SLITRK4: variants seen among roughly 807,000 people sequenced by gnomAD.
SLITRK4 encodes SLIT and NTRK-like protein 4.
A neutral mutation model predicts 34.7 loss-of-function variants in SLITRK4; 7 were observed. The observed-to-expected ratio is 0.20, with a 90% confidence interval of 0.11 to 0.38. The LOEUF (loss-of-function observed/expected upper bound fraction) is 0.38. Among genes scored for constraint, SLITRK4 ranks in the 10% least tolerant of loss-of-function variants. The pLI, the probability that SLITRK4 is intolerant of heterozygous loss-of-function variation, is 1.00. For missense variants in SLITRK4, 474 were observed against 607.0 expected (o/e 0.78, Z 2.30); for synonymous variants, 237 against 246.2 (o/e 0.96, Z 0.35).
Position 143,627,097 on chromosome X carries a change from T to C in SLITRK4, c.*1498A>G, listed in dbSNP as rs1304776019. 9.2e-6 allele frequency: 1 copy of C among 109,085 alleles called. No individual in the cohort carries two copies. The highest frequency in any genetic ancestry group is 1.9e-5 in the Non-Finnish European group (1 of 52,518). 9.0% of individuals were successfully genotyped at this position (109,085 alleles called of 1,213,427 possible). A position where few individuals can be genotyped will look rare whatever the true frequency, so the allele number is the denominator to read the frequency against. ...AAACACAGGGGCATATCATTTGTAG[T>C]TGCAGACTGTGAACTCATCTGAAAC... On this transcript the variant is annotated 3_prime_UTR_variant, in exon 2 of 2. Coordinates refer to ENST00000356928, the MANE Select transcript of SLITRK4 (RefSeq NM_001184749.3).
rs142699085 is a variant in SLITRK4, at chrX:143,630,163, C to T, written c.946G>A (p.Val316Ile). Residue 316 changes from valine (V) to isoleucine (I), a missense_variant, in exon 2 of 2, where the codon GTT (valine) becomes ATT (isoleucine). Physicochemically the swap from Val to Ile is conservative, Grantham distance 29 (BLOSUM62 3). Coordinates refer to ENST00000356928, the MANE Select transcript of SLITRK4 (RefSeq NM_001184749.3). ...CGGTTGGAGAGGGCTTTGCCTGCAA[C>T]GATTCCAGAGATCTTGGAAGGATTT... ...TTNPSKISGI[V>I]AGKALSNRNL... 25 of 1,209,742 alleles carry T rather than the reference C, an allele frequency of 2.1e-5. No homozygotes were observed. The highest frequency in any genetic ancestry group is 3.5e-5 in the South Asian group (2 of 56,773).
chrX:143,634,882 T>C (rs1931180085), intron 1 of SLITRK4: 2 of 109,270 alleles, frequency 1.8e-5, no homozygotes, highest in African/African-American at 6.7e-5. Flanking sequence ...CACCCACCTC[T>C]AGAGCCCAGC....
chrX:143,629,751 T>C lies in SLITRK4; in HGVS notation c.1358A>G (p.Tyr453Cys), dbSNP rs782650128. The change falls in exon 2 of 2, where the codon TAT (tyrosine) becomes TGT (cysteine). Residue 453 changes from tyrosine (Y) to cysteine (C), a missense_variant. Transcript: ENST00000356928. ...AATCAAATTGTATTCCAAATACAGA[T>C]ACTGCAGGTTATGAAGACCTGAAAA... ...EIFSGLHNLQ[Y>C]LYLEYNLIKE... The C allele has an allele frequency of 2.5e-6, 3 of 1,210,976 alleles. No homozygotes were observed. The highest frequency in any genetic ancestry group is 5.9e-5 in the East Asian group (2 of 33,841).
chrX:143,635,113 T>C (rs1245156478), intron 1 of SLITRK4: 1 of 101,537 alleles, frequency 9.8e-6, no homozygotes, highest in African/African-American at 3.6e-5. Context: ...GGGCTGCACC[T>C]TTACATACAC....
chrX:143,627,518 C>G lies in SLITRK4; in HGVS notation c.*1077G>C, dbSNP rs180942765. 5 of 110,632 alleles carry G rather than the reference C, an allele frequency of 4.5e-5. No homozygotes were observed. Among genetic ancestry groups the G allele is most frequent in the Non-Finnish European group, 9.5e-5 (5 of 52,779 alleles). 9.1% of individuals were successfully genotyped at this position (110,632 alleles called of 1,213,427 possible). A position where few individuals can be genotyped will look rare whatever the true frequency, so the allele number is the denominator to read the frequency against. Reference sequence around the variant, plus strand: ...AAATTTTTTTTGTTTTTAAGTTACACCTGATCACAAAGTCCAGAATATTTC... The same window carrying G: ...AAATTTTTTTTGTTTTTAAGTTACAGCTGATCACAAAGTCCAGAATATTTC... On this transcript the variant is annotated 3_prime_UTR_variant, in exon 2 of 2. Transcript: ENST00000356928.
chrX:143,635,625 C>G (rs1556431314), intron 1 of SLITRK4, 110 bp downstream of exon 1: 1 of 109,360 alleles, frequency 9.1e-6, no homozygotes, highest in East Asian at 2.9e-4. Context: ...TCGATAGGGT[C>G]GTCGAGTCTA....
At position 143,626,450 on chromosome X, in the gene SLITRK4, G is replaced by C. The variant is rs782250572; in HGVS notation, c.*2145C>G. Reference sequence around the variant, plus strand: ...AGCACCAGCACATACACATGGAGACGGTTTTTGCTATTTAAAAAAGATTTC... The same window carrying C: ...AGCACCAGCACATACACATGGAGACCGTTTTTGCTATTTAAAAAAGATTTC... On this transcript the variant is annotated 3_prime_UTR_variant, in exon 2 of 2. Coordinates refer to ENST00000356928, the MANE Select transcript of SLITRK4 (RefSeq NM_001184749.3). 3 of 109,741 alleles carry C rather than the reference G, an allele frequency of 2.7e-5. No individual in the cohort carries two copies. Among genetic ancestry groups the C allele is most frequent in the Non-Finnish European group, 5.7e-5 (3 of 52,434 alleles). 9.0% of individuals were successfully genotyped at this position (109,741 alleles called of 1,213,427 possible).
In SLITRK4 at chrX:143,628,131, T is replaced by TTTTTTTTTTTTTTTTTG; in HGVS notation, c.*463_*464insCAAAAAAAAAAAAAAAA. On this transcript the variant is annotated 3_prime_UTR_variant, in exon 2 of 2. Coordinates refer to ENST00000356928, the MANE Select transcript of SLITRK4 (RefSeq NM_001184749.3). ...TTTTTTTTTTTTTTTTTTTTTTACT[T>TTTTTTTTTTTTTTTTTG]TTCAGATAATCTTTACACGGAGTTG... is the stretch of plus-strand genomic sequence containing the variant. 5.0e-6 allele frequency: 1 copy of TTTTTTTTTTTTTTTTTG among 198,718 alleles called. No individual in the cohort carries two copies. Among genetic ancestry groups the TTTTTTTTTTTTTTTTTG allele is most frequent in the Non-Finnish European group, 8.6e-6 (1 of 115,869 alleles). The allele number at this position is 198,718 out of a possible 1,213,427, so 16.4% of individuals were successfully genotyped here.
rs1425796066 is a variant in SLITRK4 at position 143,627,286 on chromosome X, C to T, written c.*1309G>A. 5.5e-5 allele frequency: 6 copies of T among 108,970 alleles called. No homozygotes were observed. In the East Asian group the frequency reaches 1.4e-3, roughly 26 times the overall value. 9.0% of individuals were successfully genotyped at this position (108,970 alleles called of 1,213,427 possible). ...TTCATTATTTTTTAAATACTTGTAG[C>T]GAAAACTATTTGAATTAAGCTCATA... On this transcript the variant is annotated 3_prime_UTR_variant, in exon 2 of 2. Transcript: ENST00000356928.
At chrX:143,634,105 G>T (rs992581109) in intron 1 of SLITRK4, among the ~76,000 whole-genome samples, 1 of 112,617 alleles carries the variant, frequency 8.9e-6, no homozygotes, top group Non-Finnish European at 1.9e-5. Context: ...CCTCGAAGAC[G>T]TTGGCACTAG....
intron 1 of SLITRK4, chrX:143,634,544 G>T (rs925441775): frequency 1.0e-5 from 1 of 96,987 alleles, no homozygotes; most frequent in Admixed American, 1.1e-4. Flanking sequence ...TATGGTGGGG[G>T]GGGGGGCGGG....
intron 1 of SLITRK4, among the ~76,000 whole-genome samples, chrX:143,631,451 C>T (rs1931037472): frequency 9.1e-6 from 1 of 109,492 alleles, no homozygotes; most frequent in Non-Finnish European, 1.9e-5. Flanking sequence ...ATATTTTTTC[C>T]ACGTGGACCG....
Position 143,626,118 on chromosome X carries a change from A to C in SLITRK4, c.*2477T>G, listed in dbSNP as rs1358148830. On this transcript the variant is annotated 3_prime_UTR_variant, in exon 2 of 2. Coordinates refer to ENST00000356928, the MANE Select transcript of SLITRK4 (RefSeq NM_001184749.3). ...TGAATGGAACTTTCTGATTCCTCCT[A>C]TAAGTGTCTATTTAAGATCCTTCAA... 2 of 111,305 alleles carry C rather than the reference A, an allele frequency of 1.8e-5. No individual in the cohort carries two copies. Among genetic ancestry groups the C allele is most frequent in the South Asian group, 7.5e-4 (2 of 2,682 alleles). The allele number at this position is 111,305 out of a possible 1,213,427, so 9.2% of individuals were successfully genotyped here.
At position 143,629,585 on chromosome X, in the gene SLITRK4, G is replaced by T; in HGVS notation, c.1524C>A (p.Phe508Leu). 8.3e-7 allele frequency: 1 copy of T among 1,211,557 alleles called. No homozygotes were observed. Among genetic ancestry groups the T allele is most frequent in the Non-Finnish European group, 1.1e-6 (1 of 895,464 alleles). The change falls in exon 2 of 2, where the codon TTC (phenylalanine) becomes TTA (leucine). Residue 508 changes from phenylalanine (F) to leucine (L), a missense_variant. Around this residue, in one of 3 missense-constraint regions of SLITRK4, gnomAD observed 345 missense variants for 406.5 expected, o/e 0.85. Coordinates refer to ENST00000356928, the MANE Select transcript of SLITRK4 (RefSeq NM_001184749.3). ...GGACCCCGCTGACAGGCAGGTACAT[G>T]AATTTGTTGTTCCTCAGGTTCAGTC... ...LARLNLRNNK[F>L]MYLPVSGVLD...
At chrX:143,635,153 A>G (rs868951433) in intron 1 of SLITRK4, 1 of 19,224 alleles carries the variant, frequency 5.2e-5, no homozygotes, top group Non-Finnish European at 1.1e-4. Context: ...GCTCTCCACC[A>G]CCCCCCCCCA....
At position 143,623,690 on chromosome X, in the gene SLITRK4, A is replaced by T. The variant is rs782119829; in HGVS notation, c.*4905T>A. 12 of 112,059 alleles carry T rather than the reference A, an allele frequency of 1.1e-4. No homozygotes were observed. The highest frequency in any genetic ancestry group is 3.9e-4 in the African/African-American group (12 of 30,996). The allele number at this position is 112,059 out of a possible 1,213,427, so 9.2% of individuals were successfully genotyped here. On this transcript the variant is annotated 3_prime_UTR_variant, in exon 2 of 2. Transcript: ENST00000356928. ...TAGCTTTTAAATTAACAAAGAATAG[A>T]TCCTTAGGAAATCTGAAATTGAGAG...
In SLITRK4 at chrX:143,628,507, G is replaced by T; in HGVS notation, c.*88C>A. The T allele has an allele frequency of 2.7e-6, 2 of 743,664 alleles. No homozygotes were observed. Among genetic ancestry groups the T allele is most frequent in the Non-Finnish European group, 3.9e-6 (2 of 511,705 alleles). The allele number at this position is 743,664 out of a possible 1,213,427, so 61.3% of individuals were successfully genotyped here. A position where few individuals can be genotyped will look rare whatever the true frequency, so the allele number is the denominator to read the frequency against. On this transcript the variant is annotated 3_prime_UTR_variant, in exon 2 of 2. Coordinates refer to ENST00000356928, the MANE Select transcript of SLITRK4 (RefSeq NM_001184749.3). Reference sequence around the variant, plus strand: ...GGAAACACCTGCCTCCATGCCTATTGATAATATAGTATTTGGAAGTTAGAA... The same window carrying T: ...GGAAACACCTGCCTCCATGCCTATTTATAATATAGTATTTGGAAGTTAGAA...
At chrX:143,632,361 A>C (rs1931068432) in intron 1 of SLITRK4, among the ~76,000 whole-genome samples, 1 of 111,689 alleles carries the variant, frequency 9.0e-6, no homozygotes, top group Admixed American at 9.5e-5. Flanking sequence ...TCAGGTCCTT[A>C]AATACTGCAT....
chrX:143,633,180 C>T (rs1428263216), intron 1 of SLITRK4, among the ~76,000 whole-genome samples: 2 of 109,587 alleles, frequency 1.8e-5, no homozygotes, highest in African/African-American at 6.7e-5. Flanking sequence ...TCTTGTGAAA[C>T]AGAGGAAGCC....
Sources: gnomAD v4.1 joint callset for allele counts (sites outside exome capture counted in the v4.1 genomes callset) on GRCh38, gnomAD v4.1.1 for gene constraint, gnomAD v4.1.1 regional missense constraint, MANE v1.5 for transcripts, NCBI Gene and HGNC (gene_info 2026-07-23, HGNC 2026-07-21) for gene names.